Variants in MYH14 observed in about 807,000 individuals in gnomAD.
MYH14 encodes myosin-14.
In MYH14, 123 loss-of-function variants were observed where a neutral mutation model predicts 255.5. The ratio of observed to expected loss-of-function variants is 0.48; its 90% confidence interval spans 0.42 to 0.56. MYH14 has a LOEUF of 0.56. Among genes scored for constraint, MYH14 ranks in the 20% least tolerant of loss-of-function variants. The pLI is 0.00. For synonymous variants in MYH14, 1,095 were observed against 1,161.2 expected, an observed-to-expected ratio of 0.94 and a Z score of 1.16; for missense variants, 2,423 against 2,802.3, an observed-to-expected ratio of 0.86 and a Z score of 3.06.
chr19:50,255,140 C>A, intron 16 of MYH14, 80 bp from the exon 17 acceptor site: 1 of 896,962 alleles, frequency 1.1e-6, no homozygotes, highest in Non-Finnish European at 1.8e-6. Flanking sequence ...CCTCTCCTTC[C>A]CCTCTTTTCA....
At chr19:50,205,560 C>T (rs186161612) in intron 1 of MYH14, 9 of 152,456 alleles carry the variant, frequency 5.9e-5, no homozygotes, top group African/African-American at 1.9e-4. Flanking sequence ...CCCAGGTAGC[C>T]CCGAGGATCT....
chr19:50,265,349 CAA>C (rs768369689), intron 22 of MYH14, among the ~76,000 whole-genome samples: 1 of 96,568 alleles, frequency 1.0e-5, no homozygotes. Context: ...CTCATCTCTA[CAA>C]AAAAAAAAAA....
In MYH14 at chr19:50,300,293, G is replaced by A. The variant is rs886551929; in HGVS notation, c.5470-1368G>A. 6.6e-5 allele frequency among the ~76,000 whole-genome samples: 10 copies of A among 152,238 alleles called. No homozygotes were observed. In the South Asian group the frequency reaches 1.9e-3, roughly 28 times the overall value. On this transcript the variant is annotated intron_variant, in intron 39 of 42. Transcript: ENST00000642316. ...GAGACAGGAAGCAGCAGGGTCATGG[G>A]GCTGAAACGGTTCTCATCTCCAGCT...
intron 6 of MYH14, 117 bp from the exon 7 acceptor site, chr19:50,225,468 C>T (rs1022738497): frequency 2.7e-6 from 2 of 732,460 alleles, no homozygotes; most frequent in African/African-American, 3.5e-5. Flanking sequence ...CGCCCAGACA[C>T]ACAAAGGCCC....
chr19:50,249,823 G>C lies in MYH14; in HGVS notation c.1656G>C (p.Pro552=). The C allele has an allele frequency of 6.2e-7, 1 of 1,614,028 alleles. No homozygotes were observed. Among genetic ancestry groups the C allele is most frequent in the Non-Finnish European group, 8.5e-7 (1 of 1,179,986 alleles). ...CCTGCATCGACCTCATCGAGCGGCC[G>C]GTGAGCCCCAGGCCCCTCCCAGCCC... is the stretch of plus-strand genomic sequence containing the variant. ...LQPCIDLIER[P]ANPPGLLALL... is the part of the protein sequence containing the mutation. The change falls in exon 14 of 43, where the codon CCG becomes CCC. Residue 552 remains proline, a splice_region_variant and synonymous_variant. Coordinates refer to ENST00000642316, the MANE Select transcript of MYH14 (RefSeq NM_001145809.2).
rs753957442 is a variant in MYH14 at position 50,293,643 on chromosome 19, A to G, written c.5425A>G (p.Asn1809Asp). 4 of 1,610,128 alleles carry G rather than the reference A, an allele frequency of 2.5e-6. No individual in the cohort carries two copies. In the Admixed American group the frequency reaches 6.7e-5, roughly 27 times the overall value. The change falls in exon 39 of 43, where the codon AAC (asparagine) becomes GAC (aspartate). Residue 1809 changes from asparagine to aspartate, a missense_variant. This residue lies in a region of MYH14 where 1,513 missense variants were observed against 1,674.8 expected (regional missense o/e 0.90). Transcript: ENST00000642316. The surrounding 1 kb of genome is among the most constrained non-coding windows in gnomAD (Gnocchi z 4.1). ...GGAAGAGCTGGAGGAGGAGCAGAGC[A>G]ACTCGGAGCTGCTCAATGACCGCTA... is the stretch of plus-strand genomic sequence containing the variant. ...LEEELEEEQS[N>D]SELLNDRYRK...
intron 33 of MYH14, chr19:50,285,173 A>G (rs1379408163): frequency 6.6e-6 from 1 of 151,972 alleles, no homozygotes; most frequent in Non-Finnish European, 1.5e-5. Context: ...TGGAATTACA[A>G]GCATAAGCCA....
In MYH14 at chr19:50,266,807, C is replaced by A; in HGVS notation, c.2695-70C>A. ...GAGAAGGGATTTGAACCCAGAAACTCAAACCCCACTAAGAGTGTGAGGTCT... is the reference window on the plus strand; with the variant it reads ...GAGAAGGGATTTGAACCCAGAAACTAAAACCCCACTAAGAGTGTGAGGTCT... On this transcript the variant is annotated intron_variant, in intron 22 of 42. Transcript: ENST00000642316. The surrounding 1 kb of genome is among the most constrained non-coding windows in gnomAD (Gnocchi z 4.1). The A allele has an allele frequency of 6.5e-7, 1 of 1,541,096 alleles. No individual in the cohort carries two copies. Among genetic ancestry groups the A allele is most frequent in the Non-Finnish European group, 8.8e-7 (1 of 1,138,672 alleles).
chr19:50,276,861 C>T lies in MYH14; in HGVS notation c.3785C>T (p.Ala1262Val). 6.2e-7 allele frequency: 1 copy of T among 1,611,986 alleles called. No homozygotes were observed. Among genetic ancestry groups the T allele is most frequent in the African/African-American group, 1.3e-5 (1 of 74,892 alleles). ...VQELRQRHGQ[A>V]LGELAEQLEQ... is the part of the protein sequence containing the mutation. ...GAGCTGAGGCAGCGCCACGGCCAGGCCCTGGGGGAGCTGGCGGAGCAGCTG... is the reference window on the plus strand; with the variant it reads ...GAGCTGAGGCAGCGCCACGGCCAGGTCCTGGGGGAGCTGGCGGAGCAGCTG... The change falls in exon 29 of 43, where the codon GCC becomes GTC. Residue 1262 changes from alanine (A) to valine (V), a missense_variant. Transcript: ENST00000642316. This position sits in a 1 kb window ranked among gnomAD's most constrained non-coding sequence, Gnocchi z 4.3.
chr19:50,293,161 CAG>C lies in MYH14; in HGVS notation c.5257-68_5257-67del. The C allele has an allele frequency of 4.6e-6, 5 of 1,098,890 alleles. No homozygotes were observed. The highest frequency in any genetic ancestry group is 5.5e-6 in the Non-Finnish European group (4 of 733,446). The allele number at this position is 1,098,890 out of a possible 1,614,324, so 68.1% of individuals were successfully genotyped here. A position where few individuals can be genotyped will look rare whatever the true frequency, so the allele number is the denominator to read the frequency against. On this transcript the variant is annotated intron_variant, in intron 37 of 42. Coordinates refer to ENST00000642316, the MANE Select transcript of MYH14 (RefSeq NM_001145809.2). This position sits in a 1 kb window ranked among gnomAD's most constrained non-coding sequence, Gnocchi z 4.1. ...GCCAAGAGCCTTGAGGTGTGAGGGA[CAG>C]AGAAAGGGGTGAGACCCGTGCCCAG... is the stretch of plus-strand genomic sequence containing the variant.
intron 3 of MYH14, among the ~76,000 whole-genome samples, chr19:50,221,000 G>A (rs2032790835): frequency 6.6e-6 from 1 of 152,138 alleles, no homozygotes; most frequent in Non-Finnish European, 1.5e-5. Flanking sequence ...GCAAATCTAT[G>A]AAATAGGTTA....
intron 3 of MYH14, among the ~76,000 whole-genome samples, chr19:50,218,395 G>C (rs2032608178): frequency 6.6e-6 from 1 of 151,846 alleles, no homozygotes; most frequent in African/African-American, 2.4e-5. Flanking sequence ...AGGAGATCGA[G>C]ACCATTCTGG....
Position 50,250,658 on chromosome 19 carries a change from CGACTTCAGTG to C in MYH14, c.1801_1810del (p.Asp601PhefsTer16), listed in dbSNP as rs1568499471. On this transcript the variant is annotated frameshift_variant, in exon 15 of 43. Coordinates refer to ENST00000642316, the MANE Select transcript of MYH14 (RefSeq NM_001145809.2). LOFTEE classifies it high-confidence loss of function. This position sits in a 1 kb window ranked among gnomAD's most constrained non-coding sequence, Gnocchi z 5.4. Reference sequence around the variant, plus strand: ...GGCCGAGGCACCTGCGGGATCAGGCCGACTTCAGTGTTCTCCACTACGCGGGCAAGGTAGG... The same window carrying C: ...GGCCGAGGCACCTGCGGGATCAGGCCTTCTCCACTACGCGGGCAAGGTAGG... The C allele has an allele frequency of 5.6e-6, 9 of 1,613,854 alleles. No individual in the cohort carries two copies. The highest frequency in any genetic ancestry group is 7.6e-6 in the Non-Finnish European group (9 of 1,179,812).
intron 3 of MYH14, 99 bp from the exon 4 acceptor site, chr19:50,222,984 T>A (rs1042380011): frequency 8.3e-7 from 1 of 1,197,662 alleles, no homozygotes; most frequent in Non-Finnish European, 1.3e-6. Flanking sequence ...CCTTACTCCC[T>A]GGGAATAATT....
At chr19:50,254,044 C>G (rs1469476958) in intron 16 of MYH14, among the ~76,000 whole-genome samples, 4 of 152,022 alleles carry the variant, frequency 2.6e-5, no homozygotes, top group Non-Finnish European at 5.9e-5. Context: ...ATGGAGAAAC[C>G]TCATCTCTAC....
intron 30 of MYH14, among the ~76,000 whole-genome samples, chr19:50,278,697 C>T (rs2035600859): frequency 6.6e-6 from 1 of 151,356 alleles, no homozygotes; most frequent in African/African-American, 2.4e-5. Flanking sequence ...AAGTGAGATC[C>T]TGTCTCAAAA....
At chr19:50,247,868 C>T (rs938997693) in intron 12 of MYH14, among the ~76,000 whole-genome samples, 2 of 151,838 alleles carry the variant, frequency 1.3e-5, no homozygotes, top group African/African-American at 4.8e-5. Flanking sequence ...TCAAGATCAG[C>T]CTGGGCAACA....
At chr19:50,204,897 CCT>C (rs2031646140) in intron 1 of MYH14, among the ~76,000 whole-genome samples, 1 of 148,322 alleles carries the variant, frequency 6.7e-6, no homozygotes, top group South Asian at 2.1e-4. Context: ...CCTGTCTCTC[CCT>C]CTTTTTTTTT....
At chr19:50,261,446 C>G in intron 20 of MYH14, 29 bp from the exon 21 acceptor site, 1 of 1,236,570 alleles carries the variant, frequency 8.1e-7, no homozygotes, top group Non-Finnish European at 1.0e-6. Context: ...ACCCCCTCTC[C>G]GTCATCACCC....
Sources: gnomAD v4.1 joint callset for allele counts (sites outside exome capture counted in the v4.1 genomes callset) on GRCh38, gnomAD v4.1.1 for gene constraint, gnomAD v4.1.1 regional missense constraint, Gnocchi (gnomAD v3.1) non-coding constraint, MANE v1.5 for transcripts, NCBI Gene and HGNC (gene_info 2026-07-23, HGNC 2026-07-21) for gene names.